Variants in TEC observed in about 807,000 individuals in gnomAD.
TEC encodes the protein tec protein tyrosine kinase, also known as tyrosine-protein kinase Tec.
Under a neutral mutation model 93.0 loss-of-function variants are expected in TEC, and 72 were observed. The ratio of observed to expected loss-of-function variants is 0.77; its 90% CI spans 0.64 to 0.94. The LOEUF is 0.94. Among genes scored for constraint, TEC ranks in the 40% least tolerant of loss-of-function variants. The pLI is 0.00. For missense variants in TEC, 630 were observed against 757.9 expected, an observed-to-expected ratio of 0.83 and a Z score of 1.98; for synonymous variants, 249 against 247.7, an observed-to-expected ratio of 1.01 and a Z score of -0.05.
intron 2 of TEC, among the ~76,000 whole-genome samples, chr4:48,195,631 C>T (rs1437136859): frequency 1.4e-4 from 21 of 152,160 alleles, no homozygotes; most frequent in Admixed American, 1.4e-3. Context: ...AGTCATTTAG[C>T]ATCTGCAATT....
At chr4:48,190,398 G>A (rs1156572938) in intron 2 of TEC, among the ~76,000 whole-genome samples, 1 of 152,054 alleles carries the variant, frequency 6.6e-6, no homozygotes, top group Admixed American at 6.5e-5. Context: ...GATCTTCCCA[G>A]GTTCACTTGG....
Position 48,138,664 on chromosome 4 carries a change from C to T in TEC, c.1812+1G>A, listed in dbSNP as rs1335210385. On this transcript the variant is annotated splice_donor_variant, in intron 17 of 17. Transcript: ENST00000381501. LOFTEE classifies it high-confidence loss of function. ...AAAGAAAGCACACAAAAAATCTATA[C>T]CTCCTGCCAACATCTCAGCATCACC... 2 of 1,597,386 alleles carry T rather than the reference C, an allele frequency of 1.3e-6. No individual in the cohort carries two copies. The highest frequency in any genetic ancestry group is 1.4e-5 in the African/African-American group (1 of 73,848).
At chr4:48,188,862 T>A (rs1056746271) in intron 2 of TEC, among the ~76,000 whole-genome samples, 1 of 151,884 alleles carries the variant, frequency 6.6e-6, no homozygotes, top group Non-Finnish European at 1.5e-5. Flanking sequence ...TATAACAAGG[T>A]GTGTGTGTGC....
chr4:48,266,936 G>A lies in TEC; in HGVS notation c.-46+2816C>T, dbSNP rs1724653719. 1.3e-5 allele frequency among the ~76,000 whole-genome samples: 2 copies of A among 152,194 alleles called. 1 individual carries two copies. The highest frequency in any genetic ancestry group is 4.1e-4 in the South Asian group (2 of 4,834). ...TCTGTTTTAACGACTGCAAGAATGG[G>A]AAAATAGGGAAGCTGTACTTGCGTT... On this transcript the variant is annotated intron_variant, in intron 1 of 17. Transcript: ENST00000381501.
Position 48,259,547 on chromosome 4 carries a change from C to T in TEC, c.-46+10205G>A, listed in dbSNP as rs571801846. 2.0e-5 allele frequency among the ~76,000 whole-genome samples: 3 copies of T among 152,106 alleles called. No individual in the cohort carries two copies. In the South Asian group the frequency reaches 6.2e-4, roughly 32 times the overall value. On this transcript the variant is annotated intron_variant, in intron 1 of 17. Transcript: ENST00000381501. The stretch of plus-strand genomic sequence containing the variant: ...CCTGGCCAACGTGGCAAAAGCTCAC[C>T]TCTACTAAAAATACAAAAAATAGCC...
At chr4:48,143,813 CTCA>C (rs1213420986) in intron 14 of TEC, among the ~76,000 whole-genome samples, 1 of 152,096 alleles carries the variant, frequency 6.6e-6, no homozygotes, top group Admixed American at 6.5e-5. Flanking sequence ...CCTCAGTTTC[CTCA>C]TCTGTAAAAA....
chr4:48,140,957 T>G (rs934301736), intron 15 of TEC, among the ~76,000 whole-genome samples: 3 of 152,014 alleles, frequency 2.0e-5, no homozygotes, highest in Non-Finnish European at 2.9e-5. Flanking sequence ...TTTTTATGGG[T>G]GGATGTATGG....
intron 3 of TEC, among the ~76,000 whole-genome samples, chr4:48,175,324 T>C (rs1013358004): frequency 1.3e-5 from 2 of 152,248 alleles, no homozygotes; most frequent in Non-Finnish European, 2.9e-5. Context: ...AAAAGACTTT[T>C]GCAACTTTCC....
intron 2 of TEC, among the ~76,000 whole-genome samples, chr4:48,199,499 C>T (rs1722422570): frequency 9.0e-6 from 1 of 110,710 alleles, no homozygotes; most frequent in South Asian, 3.2e-4. Flanking sequence ...CAAAGTCTCA[C>T]TCTGTTACCC....
At chr4:48,216,135 A>C (rs1723069934) in intron 2 of TEC, among the ~76,000 whole-genome samples, 1 of 151,986 alleles carries the variant, frequency 6.6e-6, no homozygotes, top group Non-Finnish European at 1.5e-5. Context: ...CTTTCACCCC[A>C]GGGCCTTTGC....
At chr4:48,142,755 A>C (rs1209574468) in intron 14 of TEC, among the ~76,000 whole-genome samples, 1 of 151,856 alleles carries the variant, frequency 6.6e-6, no homozygotes, top group African/African-American at 2.4e-5. Context: ...ACCTTGGCTC[A>C]CTGCAACCTC....
intron 2 of TEC, among the ~76,000 whole-genome samples, chr4:48,218,598 G>A (rs1200748106): frequency 6.6e-6 from 1 of 152,202 alleles, no homozygotes; most frequent in African/African-American, 2.4e-5. Flanking sequence ...TTCAGGTAAA[G>A]ATTAGAAGGA....
rs1197997481 is a variant in TEC at position 48,199,230 on chromosome 4, C to T, written c.139-23044G>A. Among the ~76,000 whole-genome samples, 3 of 152,288 alleles carry T rather than the reference C, an allele frequency of 2.0e-5. No homozygotes were observed. The East Asian group carries it at 5.8e-4, about 29-fold the overall frequency. On this transcript the variant is annotated intron_variant, in intron 2 of 17. Coordinates refer to ENST00000381501, the MANE Select transcript of TEC (RefSeq NM_003215.3). ...TTTAGGATAAACAGCATTAAATGAACCAGATCCAATGATTCCAAATTTACT... is the reference window on the plus strand; with the variant it reads ...TTTAGGATAAACAGCATTAAATGAATCAGATCCAATGATTCCAAATTTACT...
At chr4:48,200,180 G>A (rs763139315) in intron 2 of TEC, among the ~76,000 whole-genome samples, 42 of 151,984 alleles carry the variant, frequency 2.8e-4, no homozygotes, top group Admixed American at 1.3e-4. Context: ...TTCAAGGGAG[G>A]GGATACACGG....
Position 48,135,896 on chromosome 4 carries a change from T to G in TEC, c.*1520A>C, listed in dbSNP as rs1045148890. Reference sequence around the variant, plus strand: ...TGCACAGACTCTAGACTGACCAGGATGAAATGAAATGGTTCTCCAGGGTCA... The same window carrying G: ...TGCACAGACTCTAGACTGACCAGGAGGAAATGAAATGGTTCTCCAGGGTCA... On this transcript the variant is annotated 3_prime_UTR_variant, in exon 18 of 18. Transcript: ENST00000381501. 1 of 152,186 alleles carries G rather than the reference T, an allele frequency of 6.6e-6. No individual in the cohort carries two copies. Among genetic ancestry groups the G allele is most frequent in the Non-Finnish European group, 1.5e-5 (1 of 68,068 alleles). 9.4% of individuals were successfully genotyped at this position (152,186 alleles called of 1,614,324 possible).
Position 48,171,962 on chromosome 4 carries a change from G to A in TEC, c.244-513C>T, listed in dbSNP as rs543034883. ...TCTATTTTATAAATGAGAAAATAAA[G>A]GCCTACCCAGGCCCCCACTCCTGTG... is the stretch of plus-strand genomic sequence containing the variant. On this transcript the variant is annotated intron_variant, in intron 3 of 17. Transcript: ENST00000381501. 1.4e-3 allele frequency among the ~76,000 whole-genome samples: 211 copies of A among 152,080 alleles called. 5 individuals carry two copies. The highest frequency in any genetic ancestry group is 3.7e-4 in the Non-Finnish European group (25 of 68,026).
chr4:48,208,611 C>T (rs910942648), intron 2 of TEC, among the ~76,000 whole-genome samples: 5 of 152,076 alleles, frequency 3.3e-5, no homozygotes, highest in African/African-American at 4.8e-5. Context: ...TTGGCTTCTC[C>T]GTGGCCTGCC....
chr4:48,224,110 G>A (rs1723358807), intron 2 of TEC, among the ~76,000 whole-genome samples: 1 of 152,128 alleles, frequency 6.6e-6, no homozygotes, highest in South Asian at 2.1e-4. Context: ...CCTGTGAGCT[G>A]TCATAGTGAA....
chr4:48,156,610 G>T, intron 9 of TEC, 70 bp downstream of exon 9: 1 of 1,343,566 alleles, frequency 7.4e-7, no homozygotes, highest in Non-Finnish European at 1.0e-6. Flanking sequence ...AGAGATATGT[G>T]GAACTACTTA....
Sources: allele counts gnomAD v4.1 joint callset (sites outside exome capture counted in the v4.1 genomes callset), GRCh38; gene constraint gnomAD v4.1.1; transcripts MANE v1.5; gene names NCBI Gene and HGNC (gene_info 2026-07-23, HGNC 2026-07-21).